The following CD96 variants were observed in gnomAD, a reference collection of about 807,000 sequenced individuals.
CD96 encodes CD96 molecule, also known as T-cell surface protein tactile.
A neutral mutation model predicts 71.3 loss-of-function variants in CD96; 70 were observed. The ratio of observed to expected loss-of-function variants is 0.98; its 90% confidence interval spans 0.81 to 1.20. The LOEUF (loss-of-function observed/expected upper bound fraction) is 1.20, where lower values mean the gene tolerates loss of function less well. Among genes scored for constraint, CD96 ranks in the 50% most tolerant of loss-of-function variants. The pLI is 0.00. For missense variants in CD96, 742 were observed against 677.5 expected (o/e 1.10, Z -1.06); for synonymous variants, 248 against 233.0 (o/e 1.06, Z -0.59).
chr3:111,545,025 G>T (rs1324304545), intron 1 of CD96, 21 bp from the exon 2 acceptor site: 2 of 1,578,600 alleles, frequency 1.3e-6, no homozygotes, highest in South Asian at 1.1e-5. Context: ...TAAACTCATG[G>T]CTCATGTTCT....
At chr3:111,625,234 T>G (rs1938693772) in intron 10 of CD96, among the ~76,000 whole-genome samples, 1 of 152,236 alleles carries the variant, frequency 6.6e-6, no homozygotes, top group Non-Finnish European at 1.5e-5. Context: ...AGGACTGCTC[T>G]TTGTAGCATT....
chr3:111,654,765 G>T (rs1940188557), downstream of CD96, among the ~76,000 whole-genome samples: 1 of 152,196 alleles, frequency 6.6e-6, no homozygotes, highest in Non-Finnish European at 1.5e-5. Flanking sequence ...CCTGAGTTTT[G>T]TCAGACTATA....
At chr3:111,557,146 T>G (rs1332450300) in intron 2 of CD96, among the ~76,000 whole-genome samples, 2 of 109,414 alleles carry the variant, frequency 1.8e-5, no homozygotes, top group Non-Finnish European at 3.5e-5. Flanking sequence ...TTTCTCCCAT[T>G]TTGTAGGTTG....
In CD96 at chr3:111,579,152, C is replaced by T. The variant is rs188325449; in HGVS notation, c.669C>T (p.Phe223=). The stretch of plus-strand genomic sequence containing the variant: ...TCCACCTCTCTCCAGTCCAAATCTT[C>T]GATGATGGGCGGAAGTTCTCTTGCC... ...YRLHLSPVQI[F]DDGRKFSCHI... Residue 223 remains phenylalanine, a synonymous_variant, in exon 4 of 14, where the codon TTC becomes TTT. Coordinates refer to ENST00000352690, the MANE Select transcript of CD96 (RefSeq NM_005816.5). 154 of 1,606,530 alleles carry T rather than the reference C, an allele frequency of 9.6e-5. No homozygotes were observed. The East Asian group carries it at 3.2e-3, about 34-fold the overall frequency.
At chr3:111,647,215 CT>C (rs1440557620) in intron 12 of CD96, among the ~76,000 whole-genome samples, 1 of 151,496 alleles carries the variant, frequency 6.6e-6, no homozygotes, top group African/African-American at 2.4e-5. Flanking sequence ...ACATGTACCC[CT>C]GAACCTAAAA....
intron 3 of CD96, among the ~76,000 whole-genome samples, chr3:111,569,518 A>G (rs1458804502): frequency 1.3e-5 from 2 of 152,352 alleles, no homozygotes; most frequent in South Asian, 4.1e-4. Flanking sequence ...GAAATGTACT[A>G]TACTAAACCT....
chr3:111,625,746 T>G (rs139037934), intron 10 of CD96, among the ~76,000 whole-genome samples: 3 of 152,130 alleles, frequency 2.0e-5, no homozygotes, highest in Non-Finnish European at 4.4e-5. Flanking sequence ...ATAAAAAATA[T>G]GTAAAAATTA....
In CD96 at chr3:111,562,946, T is replaced by C. The variant is rs192424240; in HGVS notation, c.419-4577T>C. On this transcript the variant is annotated intron_variant, in intron 2 of 13. Transcript: ENST00000352690. ...CCACAGACTGATACATTAGAAAGGA[T>C]AGACATTTATCTTCTCACAGTTCTG... Among the ~76,000 whole-genome samples, 13 of 152,348 alleles carry C rather than the reference T, an allele frequency of 8.5e-5. No individual in the cohort carries two copies. In the East Asian group the frequency reaches 2.3e-3, roughly 27 times the overall value.
chr3:111,662,843 C>G (rs188401016), intron 14 of CD96, among the ~76,000 whole-genome samples: 1 of 152,182 alleles, frequency 6.6e-6, no homozygotes, highest in African/African-American at 2.4e-5. Flanking sequence ...TTCTTCTGAT[C>G]CCTGCAAACT....
intron 5 of CD96, chr3:111,593,770 C>A: frequency 1.9e-6 from 3 of 1,614,230 alleles, no homozygotes; most frequent in Non-Finnish European, 2.5e-6. Context: ...TGCCCACCTG[C>A]TCCAGGAGCC....
intron 5 of CD96, chr3:111,593,666 C>A: frequency 2.5e-6 from 4 of 1,610,806 alleles, no homozygotes; most frequent in Non-Finnish European, 3.4e-6. Flanking sequence ...CTCCAGGGCT[C>A]GCTCCCTTTT....
At chr3:111,579,785 G>A (rs765468424) in intron 4 of CD96, among the ~76,000 whole-genome samples, 7 of 151,988 alleles carry the variant, frequency 4.6e-5, no homozygotes, top group Non-Finnish European at 1.0e-4. Flanking sequence ...TATTCATAAG[G>A]GCAGAGACCT....
chr3:111,619,479 A>G (rs983763652), intron 8 of CD96, among the ~76,000 whole-genome samples: 3 of 152,222 alleles, frequency 2.0e-5, no homozygotes, highest in African/African-American at 7.2e-5. Flanking sequence ...TGATAATAAT[A>G]AACATTTACA....
intron 12 of CD96, among the ~76,000 whole-genome samples, chr3:111,646,981 A>C (rs1026222168): frequency 2.0e-5 from 3 of 151,934 alleles, no homozygotes; most frequent in Admixed American, 2.0e-4. Flanking sequence ...AACCATCTAC[A>C]GCATGTTCTC....
rs1208022344 is a variant in CD96 at position 111,556,943 on chromosome 3, C to T, written c.419-10580C>T. 1.8e-5 allele frequency among the ~76,000 whole-genome samples: 2 copies of T among 114,086 alleles called. 1 individual carries two copies. Among genetic ancestry groups the T allele is most frequent in the Non-Finnish European group, 3.5e-5 (2 of 57,118 alleles). 74.8% of individuals were successfully genotyped at this position (114,086 alleles called of 152,430 possible). A position where few individuals can be genotyped will look rare whatever the true frequency, so the allele number is the denominator to read the frequency against. On this transcript the variant is annotated intron_variant, in intron 2 of 13. Transcript: ENST00000352690. ...CTCATAGTGGTTTTGATTTGCATTT[C>T]TCTGATGGCCAGTGATGATGAGCAT...
intron 2 of CD96, among the ~76,000 whole-genome samples, chr3:111,564,807 G>A (rs1312477322): frequency 1.3e-5 from 2 of 152,120 alleles, no homozygotes; most frequent in Admixed American, 1.3e-4. Flanking sequence ...AGCTTTTCTA[G>A]AGTGTTCAGT....
chr3:111,587,089 A>G (rs1936748913), intron 5 of CD96, among the ~76,000 whole-genome samples: 1 of 152,150 alleles, frequency 6.6e-6, no homozygotes, highest in South Asian at 2.1e-4. Flanking sequence ...TTCCAAATGG[A>G]AGACATTGGC....
At chr3:111,623,673 G>C (rs1559762571) in intron 8 of CD96, 81 bp from the exon 9 acceptor site, 2 of 851,538 alleles carry the variant, frequency 2.3e-6, no homozygotes, top group Non-Finnish European at 4.0e-6. Flanking sequence ...AATATTCCAG[G>C]CTCTTGTTAA....
intron 5 of CD96, among the ~76,000 whole-genome samples, chr3:111,591,101 G>A (rs1936957804): frequency 6.6e-6 from 1 of 152,162 alleles, no homozygotes; most frequent in South Asian, 2.1e-4. Context: ...GAGGCCAGAA[G>A]CAGTGGCTCA....
Sources: gnomAD v4.1 joint callset for allele counts (sites outside exome capture counted in the v4.1 genomes callset) on GRCh38, gnomAD v4.1.1 for gene constraint, MANE v1.5 for transcripts, NCBI Gene and HGNC (gene_info 2026-07-23, HGNC 2026-07-21) for gene names.